PITPNM2: variants seen among roughly 807,000 people sequenced by gnomAD.
PITPNM2 encodes the protein membrane-associated phosphatidylinositol transfer protein 2.
Under a neutral mutation model 132.2 loss-of-function variants are expected in PITPNM2, and 35 were observed. The observed-to-expected ratio is 0.26, with a 90% confidence interval of 0.20 to 0.35. PITPNM2 has a LOEUF of 0.35. PITPNM2 is among the 10% of genes least tolerant of loss of function. The pLI, the probability that PITPNM2 is intolerant of heterozygous loss-of-function variation, is 1.00. For missense variants in PITPNM2, 1,332 were observed against 1,912.0 expected (o/e 0.70, Z 5.66); for synonymous variants, 738 against 799.2 (o/e 0.92, Z 1.29).
chr12:123,147,042 A>T (rs2043632913), intron 1 of PITPNM2, among the ~76,000 whole-genome samples: 1 of 152,142 alleles, frequency 6.6e-6, no homozygotes, highest in Non-Finnish European at 1.5e-5. Context: ...CCACCAGAAG[A>T]CCTGTTCTGC....
rs182004088 is a variant in PITPNM2, at chr12:123,124,154, G to C, written c.-199-13666C>G. On this transcript the variant is annotated intron_variant, in intron 1 of 25. Coordinates refer to ENST00000320201, the MANE Select transcript of PITPNM2 (RefSeq NM_020845.3). ...GCCTGTAACCCCAGCTACTCGGGAGGCTGAGGCAGGAGAATCGCTTGGACC... is the reference window on the plus strand; with the variant it reads ...GCCTGTAACCCCAGCTACTCGGGAGCCTGAGGCAGGAGAATCGCTTGGACC... 3.4e-4 allele frequency among the ~76,000 whole-genome samples: 52 copies of C among 152,262 alleles called. No homozygotes were observed. In the East Asian group the frequency reaches 8.1e-3, roughly 24 times the overall value.
At chr12:123,038,552 C>A (rs770509316) in intron 2 of PITPNM2, among the ~76,000 whole-genome samples, 3 of 152,252 alleles carry the variant, frequency 2.0e-5, no homozygotes, top group Non-Finnish European at 4.4e-5. Flanking sequence ...TCAGGAAAGG[C>A]TTCATGGAAG....
In PITPNM2 at chr12:123,078,549, C is replaced by T. The variant is rs1040004092; in HGVS notation, c.-96+31836G>A. Among the ~76,000 whole-genome samples the T allele has an allele frequency of 7.2e-5, 11 of 152,194 alleles. No homozygotes were observed. The highest frequency in any genetic ancestry group is 2.1e-4 in the South Asian group (1 of 4,828). On this transcript the variant is annotated intron_variant, in intron 2 of 25. Coordinates refer to ENST00000320201, the MANE Select transcript of PITPNM2 (RefSeq NM_020845.3). This position sits in a 1 kb window ranked among gnomAD's most constrained non-coding sequence, Gnocchi z 7.3. ...AGGTGATACCTTGTGTTAGGGGAGG[C>T]GTTGTGGATTTCCACCTGCCCGGCC...
intron 2 of PITPNM2, among the ~76,000 whole-genome samples, chr12:123,054,251 T>C (rs1353796874): frequency 6.6e-6 from 1 of 152,202 alleles, no homozygotes; most frequent in East Asian, 1.9e-4. Flanking sequence ...ACCTCCTGGG[T>C]ACAATCTTGG....
rs991110911 is a variant in PITPNM2 at position 123,095,400 on chromosome 12, G to A, written c.-96+14985C>T. ...CTTTAGAAACAATCATTTCTTGGGC[G>A]TGCACCCACATGTGTACATCTCGAT... On this transcript the variant is annotated intron_variant, in intron 2 of 25. Transcript: ENST00000320201. This position sits in a 1 kb window ranked among gnomAD's most constrained non-coding sequence, Gnocchi z 5.0. 3.3e-5 allele frequency among the ~76,000 whole-genome samples: 5 copies of A among 152,122 alleles called. No individual in the cohort carries two copies. In the South Asian group the frequency reaches 8.3e-4, roughly 25 times the overall value.
Position 123,005,292 on chromosome 12 carries a change from G to A in PITPNM2, c.900C>T (p.Leu300=), listed in dbSNP as rs2038879017. The part of the protein sequence containing the change: ...SNGEPLVGRG[L]KKQWSTSSKS... ...TGGAGGATGTGGACCACTGTTTCTT[G>A]AGGCCGCGCCCCACTAGGGGCTCCC... Residue 300 remains leucine, a synonymous_variant, in exon 7 of 26, where the codon CTC becomes CTT. Coordinates refer to ENST00000320201, the MANE Select transcript of PITPNM2 (RefSeq NM_020845.3). This position sits in a 1 kb window ranked among gnomAD's most constrained non-coding sequence, Gnocchi z 6.2. 3.1e-6 allele frequency: 5 copies of A among 1,613,848 alleles called. No homozygotes were observed. Among genetic ancestry groups the A allele is most frequent in the Non-Finnish European group, 2.5e-6 (3 of 1,179,966 alleles).
intron 1 of PITPNM2, among the ~76,000 whole-genome samples, chr12:123,142,768 C>T (rs2043531596): frequency 1.3e-5 from 2 of 152,138 alleles, no homozygotes; most frequent in South Asian, 2.1e-4. Flanking sequence ...CCCCCTGCTC[C>T]GTGAGCCTCA....
chr12:123,065,969 T>C (rs921453210), intron 2 of PITPNM2, among the ~76,000 whole-genome samples: 14 of 152,224 alleles, frequency 9.2e-5, no homozygotes, highest in African/African-American at 3.4e-4. Context: ...GCTGGAGACG[T>C]GGGGCAGAGA....
chr12:123,046,185 T>A (rs2040648656), intron 2 of PITPNM2, among the ~76,000 whole-genome samples: 1 of 152,060 alleles, frequency 6.6e-6, no homozygotes, highest in African/African-American at 2.4e-5. Context: ...GTCTGCCCAG[T>A]CCTGCCTTTC....
intron 3 of PITPNM2, among the ~76,000 whole-genome samples, chr12:123,024,590 T>A (rs1344019146): frequency 6.6e-6 from 1 of 152,048 alleles, no homozygotes; most frequent in Non-Finnish European, 1.5e-5. Context: ...TATTTGGCCA[T>A]AAAAAGTAAC....
In PITPNM2 at chr12:122,986,764, C is replaced by T. The variant is rs778016336; in HGVS notation, c.3479G>A (p.Arg1160Gln). 3 of 1,613,558 alleles carry T rather than the reference C, an allele frequency of 1.9e-6. No homozygotes were observed. The highest frequency in any genetic ancestry group is 2.2e-5 in the South Asian group (2 of 91,082). ...VTGRPDMQKQ[R>Q]VVAWLAQHNF... Reference sequence around the variant, plus strand: ...GTGCTGGGCCAGCCACGCCACCACCCGCTGCTTCTGCATGTCGGGCCGGCC... The same window carrying T: ...GTGCTGGGCCAGCCACGCCACCACCTGCTGCTTCTGCATGTCGGGCCGGCC... Residue 1160 changes from arginine (R) to glutamine (Q), a missense_variant, in exon 24 of 26, where the codon CGG (arginine) becomes CAG (glutamine). By Grantham distance (43) the Arg-to-Gln change is conservative. This residue lies in a region of PITPNM2 where 251 missense variants were observed against 472.0 expected (regional missense o/e 0.53). Transcript: ENST00000320201.
chr12:123,073,557 C>T (rs1375717954), intron 2 of PITPNM2, among the ~76,000 whole-genome samples: 2 of 152,214 alleles, frequency 1.3e-5, no homozygotes, highest in Non-Finnish European at 2.9e-5. Flanking sequence ...CATATCTCCT[C>T]ATGTGCAGTG....
intron 2 of PITPNM2, chr12:123,092,698 C>T (rs1369067474): frequency 2.6e-5 from 4 of 152,424 alleles, no homozygotes; most frequent in Admixed American, 1.3e-4. Flanking sequence ...GCCATGCCCT[C>T]TCCTAACCCA....
At chr12:123,086,247 A>G (rs2042108539) in intron 2 of PITPNM2, among the ~76,000 whole-genome samples, 2 of 152,190 alleles carry the variant, frequency 1.3e-5, no homozygotes, top group Non-Finnish European at 2.9e-5. Flanking sequence ...AGCAGCTTGC[A>G]GGGGGCATCA....
chr12:123,050,819 C>T (rs993301607), intron 2 of PITPNM2, among the ~76,000 whole-genome samples: 13 of 152,180 alleles, frequency 8.5e-5, no homozygotes, highest in Non-Finnish European at 1.9e-4. Flanking sequence ...GCCATAAAAT[C>T]CTCCAGCCGA....
rs145868962 is a variant in PITPNM2, at chr12:123,120,281, C to A, written c.-199-9793G>T. Among the ~76,000 whole-genome samples, 39 of 152,316 alleles carry A rather than the reference C, an allele frequency of 2.6e-4. No homozygotes were observed. The East Asian group carries it at 6.2e-3, about 24-fold the overall frequency. ...GGCTGTGAGCTTCGACGGCCCCTCA[C>A]CTCCTGGAATCTGTGTTTTGGCTGT... On this transcript the variant is annotated intron_variant, in intron 1 of 25. Coordinates refer to ENST00000320201, the MANE Select transcript of PITPNM2 (RefSeq NM_020845.3).
At chr12:123,086,303 C>G (rs1260791529) in intron 2 of PITPNM2, among the ~76,000 whole-genome samples, 1 of 152,192 alleles carries the variant, frequency 6.6e-6, no homozygotes, top group African/African-American at 2.4e-5. Context: ...TGGCTAGTTC[C>G]TTCAACCCTC....
chr12:122,990,412 AC>A (rs1265367290), intron 17 of PITPNM2, 132 bp downstream of exon 17: 2 of 1,316,348 alleles, frequency 1.5e-6, no homozygotes, highest in East Asian at 5.0e-5. Context: ...CCCTCCCTCT[AC>A]CCACCAGGTG....
chr12:123,034,351 C>T (rs761366021), intron 3 of PITPNM2, 162 bp downstream of exon 3: 40 of 641,518 alleles, frequency 6.2e-5, no homozygotes, highest in African/African-American at 4.5e-4. Context: ...CGCCTGGCAT[C>T]GTGCCTAGAG....
Sources: gnomAD v4.1 joint callset for allele counts (sites outside exome capture counted in the v4.1 genomes callset) on GRCh38, gnomAD v4.1.1 for gene constraint, gnomAD v4.1.1 regional missense constraint, Gnocchi (gnomAD v3.1) non-coding constraint, MANE v1.5 for transcripts, NCBI Gene and HGNC (gene_info 2026-07-23, HGNC 2026-07-21) for gene names.